KATNB1: variants seen among roughly 807,000 people sequenced by gnomAD.
KATNB1 encodes the protein katanin regulatory subunit B1.
KATNB1 carries 38 observed loss-of-function variants against 82.3 expected under a neutral mutation model. The observed-to-expected ratio is 0.46, with a 90% CI of 0.36 to 0.61. KATNB1 has a LOEUF of 0.61. Ranked by LOEUF, KATNB1 falls within the 20% of genes least tolerant of loss-of-function variation. KATNB1 has a pLI of 0.00. For synonymous variants in KATNB1, 361 were observed against 368.7 expected, an observed-to-expected ratio of 0.98 and a Z score of 0.24; for missense variants, 749 against 915.7, an observed-to-expected ratio of 0.82 and a Z score of 2.35.
intron 8 of KATNB1, 34 bp from the exon 9 acceptor site, chr16:57,752,496 T>C (rs185034854): frequency 1.3e-6 from 2 of 1,547,074 alleles, no homozygotes; most frequent in East Asian, 2.4e-5. Context: ...GGATGAGGGA[T>C]AGGCTTCGCA....
At chr16:57,750,659 G>A (rs1317795415) in intron 4 of KATNB1, among the ~76,000 whole-genome samples, 168 bp from the exon 5 acceptor site, 1 of 152,128 alleles carries the variant, frequency 6.6e-6, no homozygotes, top group Non-Finnish European at 1.5e-5. Context: ...TCGTTGTTAG[G>A]GTGGTGGGAC....
intron 4 of KATNB1, 72 bp from the exon 5 acceptor site, chr16:57,750,755 C>A (rs1234859768): frequency 1.7e-6 from 2 of 1,145,306 alleles, no homozygotes; most frequent in African/African-American, 1.5e-5. Context: ...ACACAAATGC[C>A]CACAGCAGCC....
chr16:57,751,370 AC>A lies in KATNB1; in HGVS notation c.432+72del. Reference sequence around the variant, plus strand: ...GCATTGAGTGTGGTGTGGTGCCCAGACCCCAGCAGGGGGTGGAGGGGACGGC... The same window carrying A: ...GCATTGAGTGTGGTGTGGTGCCCAGACCCAGCAGGGGGTGGAGGGGACGGC... On this transcript the variant is annotated intron_variant, in intron 6 of 19. Transcript: ENST00000379661. The surrounding 1 kb of genome is among the most constrained non-coding windows in gnomAD (Gnocchi z 6.3). The A allele has an allele frequency of 6.8e-7, 1 of 1,468,748 alleles. No homozygotes were observed. Among genetic ancestry groups the A allele is most frequent in the Non-Finnish European group, 9.5e-7 (1 of 1,048,006 alleles). The allele number at this position is 1,468,748 out of a possible 1,614,324, so 91.0% of individuals were successfully genotyped here.
chr16:57,756,809 T>C lies in KATNB1; in HGVS notation c.1836-5T>C. The C allele has an allele frequency of 6.4e-7, 1 of 1,559,718 alleles. No individual in the cohort carries two copies. The highest frequency in any genetic ancestry group is 8.7e-7 in the Non-Finnish European group (1 of 1,150,040). ...CTAGCCCCTCAGGCACTGCCCTCTCTACAGGCTGCATAAGTGCCGGCTCTG... is the reference window on the plus strand; with the variant it reads ...CTAGCCCCTCAGGCACTGCCCTCTCCACAGGCTGCATAAGTGCCGGCTCTG... On this transcript the variant is annotated splice_polypyrimidine_tract_variant and splice_region_variant and intron_variant, in intron 19 of 19. Coordinates refer to ENST00000379661, the MANE Select transcript of KATNB1 (RefSeq NM_005886.3).
Position 57,752,891 on chromosome 16 carries a change from G to A in KATNB1, c.818G>A (p.Gly273Asp), listed in dbSNP as rs2049240092. The change falls in exon 10 of 20, where the codon GGC becomes GAC. Residue 273 changes from glycine (G) to aspartate (D), a missense_variant. Transcript: ENST00000379661. Reference protein sequence around the residue: ...RCFDVVLVNWGKVADLAICND... With the variant: ...RCFDVVLVNWDKVADLAICND... Reference sequence around the variant, plus strand: ...TTTGATGTGGTCCTCGTCAACTGGGGCAAGGTGGCCGACCTGGCCATCTGC... The same window carrying A: ...TTTGATGTGGTCCTCGTCAACTGGGACAAGGTGGCCGACCTGGCCATCTGC... 1.2e-6 allele frequency: 2 copies of A among 1,606,734 alleles called. No individual in the cohort carries two copies. The highest frequency in any genetic ancestry group is 1.7e-6 in the Non-Finnish European group (2 of 1,179,844).
chr16:57,754,371 G>A (rs1243392933), intron 13 of KATNB1, among the ~76,000 whole-genome samples: 1 of 152,186 alleles, frequency 6.6e-6, no homozygotes, highest in Admixed American at 6.5e-5. Flanking sequence ...CAAGGCCTGG[G>A]GGCCAGTGAG....
intron 1 of KATNB1, among the ~76,000 whole-genome samples, chr16:57,736,346 G>C (rs2049099440): frequency 6.6e-6 from 1 of 152,164 alleles, no homozygotes; most frequent in African/African-American, 2.4e-5. Flanking sequence ...AGGGGAGCGG[G>C]CTCATGGGAA....
At chr16:57,740,288 C>T (rs1019904467) in intron 2 of KATNB1, among the ~76,000 whole-genome samples, 1 of 152,192 alleles carries the variant, frequency 6.6e-6, no homozygotes, top group Admixed American at 6.5e-5. Flanking sequence ...TCTGCCCCGA[C>T]CGGCCCAGGA....
chr16:57,756,865 G>C lies in KATNB1; in HGVS notation c.1887G>C (p.Leu629=). ...CYKQLKSISG[L]VKSKSGLSGR... is the part of the protein sequence containing the mutation. Reference sequence around the variant, plus strand: ...AGCAGCTTAAGAGCATCAGCGGCCTGGTCAAGAGCAAGTCAGGCCTGAGCG... The same window carrying C: ...AGCAGCTTAAGAGCATCAGCGGCCTCGTCAAGAGCAAGTCAGGCCTGAGCG... The change falls in exon 20 of 20, where the codon CTG becomes CTC. Residue 629 remains leucine, a synonymous_variant. Coordinates refer to ENST00000379661, the MANE Select transcript of KATNB1 (RefSeq NM_005886.3). 6.4e-7 allele frequency: 1 copy of C among 1,570,368 alleles called. No homozygotes were observed. The highest frequency in any genetic ancestry group is 8.6e-7 in the Non-Finnish European group (1 of 1,157,320).
chr16:57,739,670 AGTCAGTCCCTG>A (rs1446732757), intron 2 of KATNB1, among the ~76,000 whole-genome samples: 3 of 152,070 alleles, frequency 2.0e-5, no homozygotes, highest in Non-Finnish European at 4.4e-5. Flanking sequence ...TGTGGGCTCC[AGTCAGTCCCTG>A]GTCAGGCTGC....
Position 57,756,316 on chromosome 16 carries a change from C to T in KATNB1, c.1719-40C>T, listed in dbSNP as rs782008411. 9 of 1,544,462 alleles carry T rather than the reference C, an allele frequency of 5.8e-6. No homozygotes were observed. The South Asian group carries it at 1.0e-4, about 17-fold the overall frequency. On this transcript the variant is annotated intron_variant, in intron 18 of 19. Transcript: ENST00000379661. The stretch of plus-strand genomic sequence containing the variant: ...TTGCTGTTTCTCTTTCTGTCTGTGG[C>T]CCTTGGTCCATCTGTGACTTCATCC...
Position 57,753,076 on chromosome 16 carries a change from G to T in KATNB1, c.856-1G>T. The T allele has an allele frequency of 6.2e-7, 1 of 1,600,720 alleles. No individual in the cohort carries two copies. Reference sequence around the variant, plus strand: ...CAGCCCCACCTCTCCGCTTTCTGCAGATAGGTGTGGCCTTCTCCCAGAGCA... The same window carrying T: ...CAGCCCCACCTCTCCGCTTTCTGCATATAGGTGTGGCCTTCTCCCAGAGCA... On this transcript the variant is annotated splice_acceptor_variant, in intron 10 of 19. Coordinates refer to ENST00000379661, the MANE Select transcript of KATNB1 (RefSeq NM_005886.3). LOFTEE classifies it high-confidence loss of function.
Position 57,756,350 on chromosome 16 carries a change from C to T in KATNB1, c.1719-6C>T. 1 of 1,612,296 alleles carries T rather than the reference C, an allele frequency of 6.2e-7. No individual in the cohort carries two copies. Among genetic ancestry groups the T allele is most frequent in the Non-Finnish European group, 8.5e-7 (1 of 1,179,020 alleles). ...CATCTGTGACTTCATCCATCTCCCC[C>T]TAAAGCTACGTCCAGACGGGCTGCA... On this transcript the variant is annotated splice_polypyrimidine_tract_variant and splice_region_variant and intron_variant, in intron 18 of 19. Coordinates refer to ENST00000379661, the MANE Select transcript of KATNB1 (RefSeq NM_005886.3).
intron 13 of KATNB1, among the ~76,000 whole-genome samples, chr16:57,754,251 C>T (rs2049257356): frequency 6.6e-6 from 1 of 152,178 alleles, no homozygotes. Flanking sequence ...GGGGGCCTGC[C>T]AGGGGCACTC....
rs1230726935 is a variant in KATNB1, at chr16:57,744,382, C to G, written c.172-12C>G. On this transcript the variant is annotated splice_polypyrimidine_tract_variant and intron_variant, in intron 3 of 19. Transcript: ENST00000379661. ...CCAGCAGTGCACGGAAGCTGCTGCTCTCTCTCCACAGAGCCTGACGGGCCA... is the reference window on the plus strand; with the variant it reads ...CCAGCAGTGCACGGAAGCTGCTGCTGTCTCTCCACAGAGCCTGACGGGCCA... 8 of 1,608,942 alleles carry G rather than the reference C, an allele frequency of 5.0e-6. No homozygotes were observed. In the Admixed American group the frequency reaches 5.0e-5, roughly 10 times the overall value.
In KATNB1 at chr16:57,744,528, G is replaced by C. The variant is rs192673180; in HGVS notation, c.289+17G>C. The C allele has an allele frequency of 1.3e-6, 2 of 1,584,884 alleles. No homozygotes were observed. The highest frequency in any genetic ancestry group is 4.5e-5 in the East Asian group (2 of 44,770). On this transcript the variant is annotated intron_variant, in intron 4 of 19. Coordinates refer to ENST00000379661, the MANE Select transcript of KATNB1 (RefSeq NM_005886.3). ...CTGCCAAAAGTAGGCCTCCGAGCTT[G>C]CCTCCTGTGCACGCACACCTGCCTT...
At chr16:57,737,383 G>A (rs574415957) in intron 2 of KATNB1, 100 bp downstream of exon 2, 45 of 1,330,684 alleles carry the variant, frequency 3.4e-5, no homozygotes, top group Non-Finnish European at 4.5e-5. Context: ...TCTTGGCACA[G>A]GAGGAGACTC....
In KATNB1 at chr16:57,752,811, G is replaced by A. The variant is rs782401706; in HGVS notation, c.738G>A (p.Leu246=). The change falls in exon 10 of 20, where the codon CTG becomes CTA. Residue 246 remains leucine, a synonymous_variant. Coordinates refer to ENST00000379661, the MANE Select transcript of KATNB1 (RefSeq NM_005886.3). ...TCTTCAACCCAGACGGCTGCTGCCT[G>A]TACAGCGGCTGCCAGGACTCACTGC... ...SVLFNPDGCC[L]YSGCQDSLRV... is the part of the protein sequence containing the mutation. 8.7e-6 allele frequency: 14 copies of A among 1,611,102 alleles called. No individual in the cohort carries two copies. The highest frequency in any genetic ancestry group is 2.2e-5 in the East Asian group (1 of 44,870).
intron 4 of KATNB1, among the ~76,000 whole-genome samples, chr16:57,747,740 C>T (rs1362185908): frequency 1.2e-4 from 18 of 151,992 alleles, no homozygotes; most frequent in Non-Finnish European, 1.8e-4. Context: ...TGAATCCCAG[C>T]GCGTGGGCAC....
Sources: allele counts gnomAD v4.1 joint callset (sites outside exome capture counted in the v4.1 genomes callset), GRCh38; gene constraint gnomAD v4.1.1; non-coding constraint Gnocchi (gnomAD v3.1); transcripts MANE v1.5; gene names NCBI Gene and HGNC (gene_info 2026-07-23, HGNC 2026-07-21).